NEO1: variants seen among roughly 807,000 people sequenced by gnomAD.
The protein encoded by NEO1 is neogenin.
In NEO1, 63 loss-of-function variants were observed where a neutral mutation model predicts 159.7. The observed-to-expected ratio is 0.39, with a 90% CI of 0.32 to 0.49. The LOEUF (loss-of-function observed/expected upper bound fraction) is 0.49. Among genes scored for constraint, NEO1 ranks in the 20% least tolerant of loss-of-function variants. NEO1 has a pLI of 0.85. For missense variants in NEO1, 1,615 were observed against 1,831.0 expected, an observed-to-expected ratio of 0.88 and a Z score of 2.15; for synonymous variants, 633 against 662.0, an observed-to-expected ratio of 0.96 and a Z score of 0.67.
intron 1 of NEO1, among the ~76,000 whole-genome samples, chr15:73,081,593 T>C (rs2069049244): frequency 6.6e-6 from 1 of 152,090 alleles, no homozygotes; most frequent in Non-Finnish European, 1.5e-5. Flanking sequence ...TTTTTTTTTT[T>C]CTGAGACAAG....
At chr15:73,294,891 A>G (rs2042296749) in intron 26 of NEO1, among the ~76,000 whole-genome samples, 1 of 151,996 alleles carries the variant, frequency 6.6e-6, no homozygotes, top group Non-Finnish European at 1.5e-5. Context: ...ACATCAAATG[A>G]AGCTTTATTA....
intron 7 of NEO1, among the ~76,000 whole-genome samples, chr15:73,218,127 T>A (rs1267553406): frequency 1.3e-5 from 2 of 152,252 alleles, no homozygotes; most frequent in Admixed American, 6.5e-5. Context: ...TGAGAGTTTT[T>A]AGCATGAACG....
intron 5 of NEO1, among the ~76,000 whole-genome samples, chr15:73,169,201 TAAAAG>T (rs1451207124): frequency 6.6e-6 from 1 of 152,152 alleles, no homozygotes; most frequent in East Asian, 1.9e-4. Flanking sequence ...ATGTTTCTAG[TAAAAG>T]AATTTTGCAA....
chr15:73,100,818 C>A (rs2070363055), intron 1 of NEO1, among the ~76,000 whole-genome samples: 1 of 152,190 alleles, frequency 6.6e-6, no homozygotes, highest in African/African-American at 2.4e-5. Flanking sequence ...TTCTGTTTTG[C>A]CTCTTTAGTG....
chr15:73,106,197 T>G (rs1159698892), intron 1 of NEO1, among the ~76,000 whole-genome samples: 1 of 152,184 alleles, frequency 6.6e-6, no homozygotes, highest in Admixed American at 6.5e-5. Context: ...ATTATTGTCA[T>G]GATTCGTATT....
chr15:73,222,771 G>C (rs923881513), intron 7 of NEO1, among the ~76,000 whole-genome samples: 1 of 151,994 alleles, frequency 6.6e-6, no homozygotes, highest in African/African-American at 2.4e-5. Flanking sequence ...GTTTGTTTCA[G>C]TTTCATTTAG....
intron 5 of NEO1, among the ~76,000 whole-genome samples, chr15:73,137,118 T>C (rs985251785): frequency 3.3e-5 from 5 of 152,120 alleles, no homozygotes; most frequent in African/African-American, 9.7e-5. Context: ...CACAAACATA[T>C]ATATTACCAG....
At chr15:73,257,265 T>TAAAA (rs10670933) in intron 13 of NEO1, among the ~76,000 whole-genome samples, 2 of 143,160 alleles carry the variant, frequency 1.4e-5, no homozygotes, top group Admixed American at 1.4e-4. Flanking sequence ...TTGTTGCTGT[T>TAAAA]AAAAAAAAAA....
intron 1 of NEO1, among the ~76,000 whole-genome samples, chr15:73,104,706 A>G (rs1342245464): frequency 6.6e-6 from 1 of 152,170 alleles, no homozygotes. Flanking sequence ...TGAAGAAAAG[A>G]GGTGTAATTG....
chr15:73,289,754 G>A (rs1189278818), intron 25 of NEO1, among the ~76,000 whole-genome samples: 2 of 152,224 alleles, frequency 1.3e-5, no homozygotes, highest in East Asian at 3.9e-4. Flanking sequence ...ACCAGCCTGG[G>A]CAATGTAGTG....
At chr15:73,231,010 CA>C (rs1333188523) in intron 7 of NEO1, among the ~76,000 whole-genome samples, 1 of 151,992 alleles carries the variant, frequency 6.6e-6, no homozygotes, top group African/African-American at 2.4e-5. Context: ...TTAATTCTGT[CA>C]TTTTTTGCTT....
intron 8 of NEO1, among the ~76,000 whole-genome samples, chr15:73,239,082 C>T (rs894508943): frequency 6.6e-6 from 1 of 152,118 alleles, no homozygotes; most frequent in Non-Finnish European, 1.5e-5. Context: ...CTCCTGACCT[C>T]AGGCGATCCA....
At chr15:73,243,557 T>A (rs2150903158) in intron 8 of NEO1, among the ~76,000 whole-genome samples, 1 of 152,298 alleles carries the variant, frequency 6.6e-6, no homozygotes, top group Non-Finnish European at 1.5e-5. Context: ...TTCATTCTAG[T>A]GAGTACAGTA....
intron 15 of NEO1, among the ~76,000 whole-genome samples, chr15:73,263,190 CTTTT>C (rs33959030): frequency 0.3 from 37,018 of 123,636 alleles, 4,662 homozygotes; most frequent in Admixed American, 0.42. Flanking sequence ...TCATAGTTGA[CTTTT>C]TTTTTTTTTT....
Position 73,052,622 on chromosome 15 carries a change from G to A in NEO1, c.-54G>A, listed in dbSNP as rs1217566620. On this transcript the variant is annotated 5_prime_UTR_variant, in exon 1 of 29. Coordinates refer to ENST00000261908, the MANE Select transcript of NEO1 (RefSeq NM_002499.4). ...GGCTGAGGCGCGCGGGAGGGAAGGA[G>A]GCAAGGGCTCCGCGGCGCTGTCGCC... 9 of 1,140,762 alleles carry A rather than the reference G, an allele frequency of 7.9e-6. No homozygotes were observed. In the African/African-American group the frequency reaches 1.3e-4, roughly 17 times the overall value. The allele number at this position is 1,140,762 out of a possible 1,614,324, so 70.7% of individuals were successfully genotyped here. A position where few individuals can be genotyped will look rare whatever the true frequency, so the allele number is the denominator to read the frequency against.
chr15:73,164,327 TCTC>T (rs1232539261), intron 5 of NEO1, among the ~76,000 whole-genome samples: 1 of 151,060 alleles, frequency 6.6e-6, no homozygotes, highest in Non-Finnish European at 1.5e-5. Context: ...CATTCTCCTG[TCTC>T]AGCCTTCCAA....
chr15:73,299,575 C>A (rs1402855568), intron 27 of NEO1, among the ~76,000 whole-genome samples: 2 of 152,070 alleles, frequency 1.3e-5, no homozygotes, highest in African/African-American at 4.8e-5. Flanking sequence ...TTAGTAGAGA[C>A]GGGGTTTCAC....
At chr15:73,256,733 C>T (rs961070507) in intron 13 of NEO1, among the ~76,000 whole-genome samples, 1 of 152,252 alleles carries the variant, frequency 6.6e-6, no homozygotes, top group East Asian at 1.9e-4. Flanking sequence ...CAGTCCATAT[C>T]ATGACTGCAG....
intron 6 of NEO1, among the ~76,000 whole-genome samples, chr15:73,177,650 G>A (rs938802006): frequency 6.6e-6 from 1 of 152,050 alleles, no homozygotes; most frequent in Non-Finnish European, 1.5e-5. Flanking sequence ...GGGCTTAAGC[G>A]ATCCTCCTGC....
Sources: gnomAD v4.1 joint callset for allele counts (sites outside exome capture counted in the v4.1 genomes callset) on GRCh38, gnomAD v4.1.1 for gene constraint, MANE v1.5 for transcripts, NCBI Gene and HGNC (gene_info 2026-07-23, HGNC 2026-07-21) for gene names.